CFAP161: variants seen among roughly 807,000 people sequenced by gnomAD.
CFAP161 encodes cilia- and flagella-associated protein 161.
In CFAP161, 25 loss-of-function variants were observed where a neutral mutation model predicts 29.0. The observed-to-expected ratio is 0.86, with a 90% CI of 0.63 to 1.20. The LOEUF is 1.20. Among genes scored for constraint, CFAP161 ranks in the 50% most tolerant of loss-of-function variants. The probability of loss-of-function intolerance (pLI) is 0.00; values close to 1 mark genes in which losing one functional copy is unlikely to be tolerated. For synonymous variants in CFAP161, 116 were observed against 137.4 expected (o/e 0.84, Z 1.09); for missense variants, 367 against 371.9 (o/e 0.99, Z 0.11).
Position 81,136,675 on chromosome 15 carries a change from T to C in CFAP161, c.319T>C (p.Leu107=), listed in dbSNP as rs755213848. The part of the protein sequence containing the change: ...DEIQSHLKDE[L]EVPCGLSAVQ... ...AATTCAGTCCCATCTGAAAGACGAATTAGAGGTACCCTGTGGCCTGAGCGC... is the reference window on the plus strand; with the variant it reads ...AATTCAGTCCCATCTGAAAGACGAACTAGAGGTACCCTGTGGCCTGAGCGC... Residue 107 remains leucine (L), a synonymous_variant, in exon 3 of 7, where the codon TTA becomes CTA. Transcript: ENST00000286732. 1.2e-6 allele frequency: 2 copies of C among 1,614,016 alleles called. No homozygotes were observed. Among genetic ancestry groups the C allele is most frequent in the Non-Finnish European group, 1.7e-6 (2 of 1,180,026 alleles).
chr15:81,107,701 G>A (rs1894388774), intron 1 of CFAP161, among the ~76,000 whole-genome samples: 1 of 151,958 alleles, frequency 6.6e-6, no homozygotes, highest in Non-Finnish European at 1.5e-5. Flanking sequence ...CTCCAGCCTG[G>A]GCAACAAGAG....
rs934129642 is a variant in CFAP161 at position 81,134,381 on chromosome 15, G to A, written c.52G>A (p.Asp18Asn). The A allele has an allele frequency of 2.0e-5, 31 of 1,588,674 alleles. No homozygotes were observed. Among genetic ancestry groups the A allele is most frequent in the Non-Finnish European group, 2.7e-5 (31 of 1,168,544 alleles). Residue 18 changes from aspartate (D) to asparagine (N), a missense_variant, in exon 1 of 7, where the codon GAT becomes AAT. Transcript: ENST00000286732. ...AGTCCGGATAGGCAACTGGAATGAG[G>A]ATGTCTACCTGGAGGAGGTACGCAG... ...PGVRIGNWNEDVYLEEELMKD... is the reference protein window; with the variant it reads ...PGVRIGNWNENVYLEEELMKD...
At position 81,110,733 on chromosome 15, in the gene CFAP161, G is replaced by A. The variant is rs371136026; in HGVS notation, c.-141-16857G>A. Among the ~76,000 whole-genome samples, 235 of 152,248 alleles carry A rather than the reference G, an allele frequency of 1.5e-3. 1 individual carries two copies. Among genetic ancestry groups the A allele is most frequent in the African/African-American group, 5.1e-3 (212 of 41,538 alleles). Reference sequence around the variant, plus strand: ...GCATATTACCCAAGTGGTCAGCTTCGGTGGAAGGGGACTGGAGACTGACCA... The same window carrying A: ...GCATATTACCCAAGTGGTCAGCTTCAGTGGAAGGGGACTGGAGACTGACCA... On this transcript the variant is annotated intron_variant, in intron 1 of 4. Transcript: ENST00000560091.
intron 5 of CFAP161, among the ~76,000 whole-genome samples, chr15:81,145,447 A>G (rs970273555): frequency 1.3e-5 from 2 of 152,160 alleles, no homozygotes; most frequent in African/African-American, 4.8e-5. Context: ...TTAGAGTGCT[A>G]ATTCGAAAAG....
Position 81,134,362 on chromosome 15 carries a change from G to A in CFAP161, c.33G>A (p.Arg11=). Residue 11 remains arginine, a synonymous_variant, in exon 1 of 7, where the codon CGG becomes CGA. Transcript: ENST00000286732. MAQNVYGPGV[R]IGNWNEDVYL... is the part of the protein sequence containing the mutation. Reference sequence around the variant, plus strand: ...AGAACGTGTATGGTCCGGGAGTCCGGATAGGCAACTGGAATGAGGATGTCT... The same window carrying A: ...AGAACGTGTATGGTCCGGGAGTCCGAATAGGCAACTGGAATGAGGATGTCT... 2 of 1,591,586 alleles carry A rather than the reference G, an allele frequency of 1.3e-6. No homozygotes were observed. Among genetic ancestry groups the A allele is most frequent in the African/African-American group, 1.3e-5 (1 of 74,946 alleles).
chr15:81,146,739 G>T (rs1895011952), intron 5 of CFAP161, among the ~76,000 whole-genome samples: 2 of 149,566 alleles, frequency 1.3e-5, no homozygotes, highest in Non-Finnish European at 3.0e-5. Context: ...TGAATCTTGG[G>T]ACCTAAACTC....
At chr15:81,127,576 C>A (rs1256200664) in intron 1 of CFAP161, 1 of 151,974 alleles carries the variant, frequency 6.6e-6, no homozygotes, top group Non-Finnish European at 1.5e-5. Flanking sequence ...TATGTTTTTT[C>A]TTTTTTTATT....
chr15:81,129,942 AG>A (rs1457377160), upstream of CFAP161, among the ~76,000 whole-genome samples: 2 of 137,184 alleles, frequency 1.5e-5, no homozygotes, highest in African/African-American at 6.4e-5. Context: ...TTCTAATGTA[AG>A]GCTTTTTTTT....
At chr15:81,129,504 G>A (rs1026431234), upstream of CFAP161, among the ~76,000 whole-genome samples, 4 of 152,130 alleles carry the variant, frequency 2.6e-5, no homozygotes, top group African/African-American at 9.7e-5. Context: ...GATCTCATGA[G>A]ACTTATTCAC....
Position 81,136,597 on chromosome 15 carries a change from G to A in CFAP161, c.241G>A (p.Glu81Lys). ...MLVNPDDPDT[E>K]ADVFLRGDLS... ...TGTGAATCCTGATGATCCTGACACA[G>A]AAGCTGATGTGTTTCTGCGTGGGGA... is the stretch of plus-strand genomic sequence containing the variant. Residue 81 changes from glutamate to lysine, a missense_variant, in exon 3 of 7, where the codon GAA becomes AAA. Coordinates refer to ENST00000286732, the MANE Select transcript of CFAP161 (RefSeq NM_173528.4). 1 of 1,614,208 alleles carries A rather than the reference G, an allele frequency of 6.2e-7. No homozygotes were observed. Among genetic ancestry groups the A allele is most frequent in the Non-Finnish European group, 8.5e-7 (1 of 1,180,040 alleles).
At chr15:81,140,743 A>T (rs994379134) in intron 4 of CFAP161, among the ~76,000 whole-genome samples, 31 of 151,706 alleles carry the variant, frequency 2.0e-4, no homozygotes, top group Middle Eastern at 3.4e-3. Flanking sequence ...AAATTTATTT[A>T]TTATTTATTT....
chr15:81,116,461 T>A (rs374418296), intron 1 of CFAP161, among the ~76,000 whole-genome samples: 6 of 152,104 alleles, frequency 3.9e-5, no homozygotes, highest in African/African-American at 1.4e-4. Flanking sequence ...GCCCAGCTAA[T>A]TTTTTTTGTA....
At chr15:81,107,302 G>A (rs1894383940) in intron 1 of CFAP161, among the ~76,000 whole-genome samples, 1 of 152,234 alleles carries the variant, frequency 6.6e-6, no homozygotes, top group Admixed American at 6.5e-5. Context: ...TAACGTGAGT[G>A]AGGTTATTTC....
intron 1 of CFAP161, among the ~76,000 whole-genome samples, chr15:81,107,876 C>T (rs1894392764): frequency 6.6e-6 from 1 of 152,032 alleles, no homozygotes; most frequent in South Asian, 2.1e-4. Flanking sequence ...ATGAGGAAGG[C>T]TTTATTTTTC....
intron 4 of CFAP161, among the ~76,000 whole-genome samples, chr15:81,140,582 A>G (rs746026047): frequency 6.7e-6 from 1 of 150,240 alleles, no homozygotes; most frequent in Non-Finnish European, 1.5e-5. Context: ...TTTTTGAGAC[A>G]GGGTCTCACT....
intron 1 of CFAP161, among the ~76,000 whole-genome samples, chr15:81,101,200 G>A (rs1248683550): frequency 6.6e-6 from 1 of 152,124 alleles, no homozygotes; most frequent in East Asian, 1.9e-4. Context: ...AGGCCTAGAA[G>A]CCCCTCTTGT....
chr15:81,104,328 T>C (rs28477346), intron 1 of CFAP161, among the ~76,000 whole-genome samples: 8,687 of 152,264 alleles, frequency 0.057, 786 homozygotes, highest in African/African-American at 0.19. Context: ...TTCCCTCTAG[T>C]GCAGTGAAGC....
At chr15:81,147,539 C>A (rs878958524) in intron 5 of CFAP161, among the ~76,000 whole-genome samples, 6 of 152,164 alleles carry the variant, frequency 3.9e-5, no homozygotes, top group Admixed American at 3.9e-4. Context: ...GGGATAGCCT[C>A]GTGTTCCTAG....
chr15:81,111,661 C>T (rs1040746856), intron 1 of CFAP161, among the ~76,000 whole-genome samples: 1 of 152,172 alleles, frequency 6.6e-6, no homozygotes, highest in Non-Finnish European at 1.5e-5. Context: ...CCATCATCTC[C>T]CCTCTGCCTC....
Sources: gnomAD v4.1 joint callset for allele counts (sites outside exome capture counted in the v4.1 genomes callset) on GRCh38, gnomAD v4.1.1 for gene constraint, MANE v1.5 for transcripts, NCBI Gene and HGNC (gene_info 2026-07-23, HGNC 2026-07-21) for gene names.